Variants in AGBL1 observed in about 807,000 individuals in gnomAD.
AGBL1 encodes the protein AGBL carboxypeptidase 1.
A neutral mutation model predicts 118.9 loss-of-function variants in AGBL1; 130 were observed. That is an observed-to-expected ratio of 1.09 (90% CI 0.95 to 1.26). The LOEUF is 1.26. Ranked by LOEUF, AGBL1 falls within the 50% of genes most tolerant of loss-of-function variation. The pLI, the probability that AGBL1 is intolerant of heterozygous loss-of-function variation, is 0.00. For synonymous variants in AGBL1, 555 were observed against 478.9 expected, an observed-to-expected ratio of 1.16 and a Z score of -2.08; for missense variants, 1,584 against 1,298.1, an observed-to-expected ratio of 1.22 and a Z score of -3.38.
intron 17 of AGBL1, among the ~76,000 whole-genome samples, chr15:86,318,653 T>C (rs916751572): frequency 6.7e-6 from 1 of 150,132 alleles, no homozygotes; most frequent in Non-Finnish European, 1.5e-5. Flanking sequence ...AGGGGAGTTA[T>C]GGGAGGGTAT....
intron 24 of AGBL1, among the ~76,000 whole-genome samples, chr15:86,998,779 A>C (rs2081403898): frequency 6.6e-6 from 1 of 152,136 alleles, no homozygotes; most frequent in African/African-American, 2.4e-5. Flanking sequence ...GATGCAGAAA[A>C]AGACACTTCT....
chr15:86,239,886 T>C (rs1270424225), intron 6 of AGBL1, among the ~76,000 whole-genome samples: 1 of 152,224 alleles, frequency 6.6e-6, no homozygotes, highest in South Asian at 2.1e-4. Flanking sequence ...TGTGAGATGA[T>C]GAATATGTTT....
At chr15:86,392,919 G>A (rs1437781274) in intron 17 of AGBL1, among the ~76,000 whole-genome samples, 1 of 152,116 alleles carries the variant, frequency 6.6e-6, no homozygotes, top group African/African-American at 2.4e-5. Flanking sequence ...ATTGTCAATT[G>A]CAAGAAAAAA....
chr15:86,469,300 G>T (rs2142099023), intron 18 of AGBL1, among the ~76,000 whole-genome samples: 1 of 152,208 alleles, frequency 6.6e-6, no homozygotes, highest in East Asian at 1.9e-4. Context: ...TGAGTTAGAA[G>T]TTTTTTAGAT....
chr15:86,813,381 A>G (rs1383356841), intron 22 of AGBL1, among the ~76,000 whole-genome samples: 1 of 152,216 alleles, frequency 6.6e-6, no homozygotes, highest in Admixed American at 6.5e-5. Context: ...AAATATTCTT[A>G]ATAACATTTC....
At chr15:86,472,637 G>A (rs1211561094) in intron 18 of AGBL1, among the ~76,000 whole-genome samples, 1 of 152,200 alleles carries the variant, frequency 6.6e-6, no homozygotes, top group African/African-American at 2.4e-5. Flanking sequence ...TAATAGAATA[G>A]ATTGGGCGCC....
At chr15:86,279,825 G>A in intron 16 of AGBL1, 42 bp downstream of exon 16, 2 of 1,601,920 alleles carry the variant, frequency 1.2e-6, no homozygotes, top group Non-Finnish European at 1.7e-6. Context: ...GGACTGAAGG[G>A]GCTCTCTGAG....
chr15:86,650,238 G>A (rs1022673009), intron 21 of AGBL1, among the ~76,000 whole-genome samples: 1 of 152,116 alleles, frequency 6.6e-6, no homozygotes, highest in Non-Finnish European at 1.5e-5. Flanking sequence ...CCTGAAATGA[G>A]GACTAAGTTT....
intron 21 of AGBL1, among the ~76,000 whole-genome samples, chr15:86,563,107 CTGATTTTT>C (rs1424603191): frequency 1.3e-5 from 2 of 151,562 alleles, no homozygotes; most frequent in African/African-American, 4.9e-5. Flanking sequence ...CCTGGATTCA[CTGATTTTT>C]TGAAGGGTTT....
intron 5 of AGBL1, among the ~76,000 whole-genome samples, chr15:86,184,697 A>G (rs1490787281): frequency 6.6e-6 from 1 of 152,114 alleles, no homozygotes; most frequent in South Asian, 2.1e-4. Context: ...AACCTTGAAA[A>G]TGGCCATACT....
At chr15:86,150,144 T>C (rs538006214) in intron 3 of AGBL1, among the ~76,000 whole-genome samples, 1 of 152,288 alleles carries the variant, frequency 6.6e-6, no homozygotes, top group Non-Finnish European at 1.5e-5. Context: ...AGAGGGAAAT[T>C]TATAGCACTA....
chr15:86,633,946 A>T (rs2085033568), intron 21 of AGBL1, among the ~76,000 whole-genome samples: 1 of 150,414 alleles, frequency 6.6e-6, no homozygotes, highest in African/African-American at 2.4e-5. Flanking sequence ...AAGTGAGGTG[A>T]ATGCTCAAAT....
chr15:86,775,951 G>T (rs114624213), intron 22 of AGBL1, among the ~76,000 whole-genome samples: 2,876 of 152,120 alleles, frequency 0.019, 104 homozygotes, highest in African/African-American at 0.066. Context: ...TTGATAAATA[G>T]CATCCTATAT....
chr15:87,031,332 T>TAGAG (rs372319384), downstream of AGBL1, among the ~76,000 whole-genome samples: 4 of 151,840 alleles, frequency 2.6e-5, no homozygotes, highest in African/African-American at 9.7e-5. Context: ...TTAACAGAAA[T>TAGAG]AGAGAGATAT....
intron 23 of AGBL1, among the ~76,000 whole-genome samples, chr15:86,943,705 G>A (rs1596658179): frequency 6.6e-6 from 1 of 152,262 alleles, no homozygotes; most frequent in Admixed American, 6.5e-5. Context: ...AATATACCTG[G>A]CTTCCAGGTA....
intron 1 of AGBL1, among the ~76,000 whole-genome samples, chr15:86,108,115 C>T (rs759164670): frequency 1.3e-5 from 2 of 152,158 alleles, no homozygotes; most frequent in Non-Finnish European, 2.9e-5. Context: ...ACTTGCAAGC[C>T]AATTATCTCG....
At chr15:86,687,079 C>T (rs992598441) in intron 22 of AGBL1, among the ~76,000 whole-genome samples, 2 of 152,008 alleles carry the variant, frequency 1.3e-5, no homozygotes, top group African/African-American at 4.8e-5. Flanking sequence ...ACAAGCTGCT[C>T]TATGAATTCC....
intron 22 of AGBL1, among the ~76,000 whole-genome samples, chr15:86,699,176 A>G (rs558965089): frequency 2.0e-5 from 3 of 151,980 alleles, no homozygotes; most frequent in South Asian, 2.1e-4. Context: ...AAAATTTTGT[A>G]TATCTTCATT....
At chr15:87,001,160 C>T (rs1385736084) in intron 24 of AGBL1, among the ~76,000 whole-genome samples, 1 of 145,978 alleles carries the variant, frequency 6.9e-6, no homozygotes, top group East Asian at 2.0e-4. Flanking sequence ...GATATACAAT[C>T]ATGTCATCTG....
Sources: gnomAD v4.1 joint callset for allele counts (sites outside exome capture counted in the v4.1 genomes callset) on GRCh38, gnomAD v4.1.1 for gene constraint, MANE v1.5 for transcripts, NCBI Gene and HGNC (gene_info 2026-07-23, HGNC 2026-07-21) for gene names.